Variants in PPFIA2 observed in about 807,000 individuals in gnomAD.
The protein encoded by PPFIA2 is liprin-alpha-2.
A neutral mutation model predicts 175.5 loss-of-function variants in PPFIA2; 46 were observed. The ratio of observed to expected loss-of-function variants is 0.26; its 90% CI spans 0.21 to 0.34. PPFIA2 has a LOEUF of 0.34. Among genes scored for constraint, PPFIA2 ranks in the 10% least tolerant of loss-of-function variants. PPFIA2 has a pLI of 1.00. For missense variants in PPFIA2, 1,179 were observed against 1,506.1 expected, an observed-to-expected ratio of 0.78 and a Z score of 3.60; for synonymous variants, 568 against 511.4, an observed-to-expected ratio of 1.11 and a Z score of -1.49.
intron 22 of PPFIA2, 50 bp downstream of exon 22, chr12:81,325,727 A>G: frequency 1.6e-6 from 2 of 1,277,678 alleles, no homozygotes; most frequent in Non-Finnish European, 2.3e-6. Context: ...ATAAATAATA[A>G]TAAGGAATTG....
chr12:81,523,192 T>A lies in PPFIA2; in HGVS notation c.304-65326A>T, dbSNP rs144206264. On this transcript the variant is annotated intron_variant, in intron 4 of 32. Coordinates refer to ENST00000549396, the MANE Select transcript of PPFIA2 (RefSeq NM_003625.5). ...AGTGCCCAGCAAGAAAGAAGAAGAG[T>A]TTTGCTAAATAGCTAAATAGTCTCT... Among the ~76,000 whole-genome samples, 258 of 151,996 alleles carry A rather than the reference T, an allele frequency of 1.7e-3. 2 individuals carry two copies. The highest frequency in any genetic ancestry group is 6.1e-3 in the African/African-American group (253 of 41,440).
intron 4 of PPFIA2, among the ~76,000 whole-genome samples, chr12:81,619,741 G>T (rs2061820132): frequency 6.6e-6 from 1 of 152,178 alleles, no homozygotes; most frequent in Non-Finnish European, 1.5e-5. Flanking sequence ...GAAAATGTAA[G>T]CTTTAGCTAC....
intron 22 of PPFIA2, among the ~76,000 whole-genome samples, chr12:81,309,393 G>T (rs973187030): frequency 7.2e-5 from 11 of 152,040 alleles, no homozygotes; most frequent in African/African-American, 2.7e-4. Context: ...ACAGAAATAT[G>T]TTACAAATTC....
chr12:81,507,857 G>A (rs935323867), intron 4 of PPFIA2, among the ~76,000 whole-genome samples: 1 of 152,176 alleles, frequency 6.6e-6, no homozygotes, highest in Admixed American at 6.5e-5. Context: ...CCTGTCCAAT[G>A]TCACATAGAC....
At chr12:81,541,888 T>C (rs2066271937) in intron 4 of PPFIA2, among the ~76,000 whole-genome samples, 1 of 152,072 alleles carries the variant, frequency 6.6e-6, no homozygotes, top group African/African-American at 2.4e-5. Context: ...ATATTGGAGT[T>C]GGAAGTTACA....
chr12:81,345,191 T>C (rs139720979), intron 18 of PPFIA2, among the ~76,000 whole-genome samples: 156 of 152,212 alleles, frequency 1.0e-3, no homozygotes, highest in African/African-American at 3.6e-3. Context: ...CATCCTAAAA[T>C]CTTTCTCTTT....
Position 81,642,717 on chromosome 12 carries a change from T to TATAA in PPFIA2, c.303+34073_303+34074insTTAT, listed in dbSNP as rs1407968415. 4.4e-5 allele frequency among the ~76,000 whole-genome samples: 4 copies of TATAA among 89,994 alleles called. 2 individuals carry two copies. The highest frequency in any genetic ancestry group is 6.8e-4 in the East Asian group (2 of 2,934). 59.0% of individuals were successfully genotyped at this position (89,994 alleles called of 152,430 possible). On this transcript the variant is annotated intron_variant, in intron 4 of 32. Coordinates refer to ENST00000549396, the MANE Select transcript of PPFIA2 (RefSeq NM_003625.5). ...ACATACATGTATATGTATGTATGTA[T>TATAA]TATATACATACATGTATATGTATGT...
chr12:81,271,418 G>GCGC (rs1223843168), intron 28 of PPFIA2, among the ~76,000 whole-genome samples: 23 of 152,054 alleles, frequency 1.5e-4, no homozygotes, highest in Non-Finnish European at 8.8e-5. Flanking sequence ...CTACAGGCAT[G>GCGC]CGCCACCACA....
At chr12:81,558,405 C>T (rs1031167922) in intron 4 of PPFIA2, among the ~76,000 whole-genome samples, 10 of 152,192 alleles carry the variant, frequency 6.6e-5, no homozygotes, top group Admixed American at 4.6e-4. Flanking sequence ...TATTTTCATA[C>T]ACATTACAAT....
chr12:81,313,038 C>T (rs1220550824), intron 22 of PPFIA2, among the ~76,000 whole-genome samples: 1 of 151,978 alleles, frequency 6.6e-6, no homozygotes, highest in Non-Finnish European at 1.5e-5. Flanking sequence ...TTTGGGGAAA[C>T]ATCCATAAAT....
chr12:81,348,075 A>T (rs1246336507), intron 17 of PPFIA2, among the ~76,000 whole-genome samples: 2 of 152,264 alleles, frequency 1.3e-5, no homozygotes, highest in Admixed American at 6.5e-5. Context: ...CTTGAACCTA[A>T]TTAATTTCTA....
intron 4 of PPFIA2, among the ~76,000 whole-genome samples, chr12:81,673,860 G>C (rs2071918583): frequency 6.6e-6 from 1 of 151,814 alleles, no homozygotes; most frequent in Non-Finnish European, 1.5e-5. Context: ...TGAAAATCAT[G>C]AATGAGTGAT....
At chr12:81,483,894 T>G (rs773301118) in intron 4 of PPFIA2, among the ~76,000 whole-genome samples, 2 of 152,084 alleles carry the variant, frequency 1.3e-5, no homozygotes, top group Admixed American at 6.6e-5. Flanking sequence ...AAGTATTTTA[T>G]AGAATCACCC....
chr12:81,278,740 A>G (rs1167357148), intron 27 of PPFIA2, among the ~76,000 whole-genome samples: 2 of 152,190 alleles, frequency 1.3e-5, no homozygotes. Context: ...GTTTAGTGAC[A>G]TTATGTATAA....
Position 81,590,379 on chromosome 12 carries a change from T to C in PPFIA2, c.303+86412A>G, listed in dbSNP as rs146354946. On this transcript the variant is annotated intron_variant, in intron 4 of 32. Transcript: ENST00000549396. ...GAATGTAGAAAATCTTGTTCTTTGA[T>C]GAAAAGCCAGAATTACCTCAACCTC... Among the ~76,000 whole-genome samples, 536 of 152,286 alleles carry C rather than the reference T, an allele frequency of 3.5e-3. 1 individual carries two copies. Among genetic ancestry groups the C allele is most frequent in the Non-Finnish European group, 6.1e-3 (413 of 68,016 alleles).
intron 4 of PPFIA2, among the ~76,000 whole-genome samples, chr12:81,510,698 G>A (rs952210496): frequency 2.6e-5 from 4 of 152,078 alleles, no homozygotes; most frequent in African/African-American, 7.2e-5. Context: ...TGATTTGTGG[G>A]TGGAAGAAGA....
At chr12:81,288,597 A>G (rs1053390024) in intron 24 of PPFIA2, among the ~76,000 whole-genome samples, 2 of 151,828 alleles carry the variant, frequency 1.3e-5, no homozygotes, top group African/African-American at 4.8e-5. Context: ...GAGATACAGT[A>G]TAAGTAAAGC....
intron 3 of PPFIA2, among the ~76,000 whole-genome samples, chr12:81,713,596 C>T (rs1397271523): frequency 6.6e-6 from 1 of 151,176 alleles, no homozygotes; most frequent in Middle Eastern, 3.2e-3. Context: ...CCCAGCAATG[C>T]CAATTCCTAC....
At chr12:81,704,952 C>T (rs1267320141) in intron 3 of PPFIA2, among the ~76,000 whole-genome samples, 1 of 150,972 alleles carries the variant, frequency 6.6e-6, no homozygotes, top group Non-Finnish European at 1.5e-5. Context: ...GGCATGGTGG[C>T]ACATGCCTGT....
Sources: gnomAD v4.1 joint callset for allele counts (sites outside exome capture counted in the v4.1 genomes callset) on GRCh38, gnomAD v4.1.1 for gene constraint, MANE v1.5 for transcripts, NCBI Gene and HGNC (gene_info 2026-07-23, HGNC 2026-07-21) for gene names.